The following SPHKAP variants were observed in gnomAD, a reference collection of about 807,000 sequenced individuals.
The protein encoded by SPHKAP is SPHK1 interactor, AKAP domain containing.
In SPHKAP, 67 loss-of-function variants were observed where a neutral mutation model predicts 137.5. The observed-to-expected ratio is 0.49, with a 90% CI of 0.40 to 0.60. The LOEUF (loss-of-function observed/expected upper bound fraction) is 0.60. SPHKAP is among the 20% of genes least tolerant of loss of function. The probability of loss-of-function intolerance (pLI) is 0.00; values close to 1 mark genes in which losing one functional copy is unlikely to be tolerated. For missense variants in SPHKAP, 2,097 were observed against 2,069.3 expected (o/e 1.01, Z -0.26); for synonymous variants, 813 against 785.3 (o/e 1.04, Z -0.59).
intron 3 of SPHKAP, among the ~76,000 whole-genome samples, chr2:228,073,422 G>A (rs115738250): frequency 0.012 from 1,847 of 152,260 alleles, 35 homozygotes; most frequent in African/African-American, 0.042. Context: ...GTAATTATAC[G>A]GATATGTGCA....
rs146687773 is a variant in SPHKAP at position 228,059,774 on chromosome 2, G to A, written c.247-32231C>T. ...GAAGGCAGTCTGCTCAGTGTTACAG[G>A]GAGTACAAAGATGTAGAACATAGGA... On this transcript the variant is annotated intron_variant, in intron 3 of 11. Transcript: ENST00000392056. Among the ~76,000 whole-genome samples, 558 of 152,270 alleles carry A rather than the reference G, an allele frequency of 3.7e-3. 4 individuals carry two copies. The highest frequency in any genetic ancestry group is 0.013 in the African/African-American group (536 of 41,536).
intron 7 of SPHKAP, among the ~76,000 whole-genome samples, chr2:228,012,565 A>G (rs1694430098): frequency 6.6e-6 from 1 of 152,118 alleles, no homozygotes; most frequent in African/African-American, 2.4e-5. Context: ...CTGTACAATA[A>G]TATTTTTTTG....
rs11292511 is a variant in SPHKAP, at chr2:228,021,697, TG to T, written c.697+13del. On this transcript the variant is annotated intron_variant, in intron 6 of 11. Coordinates refer to ENST00000392056, the MANE Select transcript of SPHKAP (RefSeq NM_001142644.2). ...GGGACTAATTTCAGGAGGCACTAAT[TG>T]GAAAGTTCTCACCGTTCCTAGATTC... The T allele has an allele frequency of 0.35, 561,505 of 1,597,110 alleles. 101,979 individuals carry two copies. The highest frequency in any genetic ancestry group is 0.5 in the South Asian group (44,429 of 88,284).
At chr2:228,101,369 A>G (rs749651551) in intron 3 of SPHKAP, among the ~76,000 whole-genome samples, 13 of 152,206 alleles carry the variant, frequency 8.5e-5, no homozygotes, top group African/African-American at 1.2e-4. Flanking sequence ...ATATACAGTT[A>G]CATTATTGGC....
In SPHKAP at chr2:227,995,570, T is replaced by A; in HGVS notation, c.4573A>T (p.Asn1525Tyr). 6.2e-7 allele frequency: 1 copy of A among 1,614,114 alleles called. No homozygotes were observed. Among genetic ancestry groups the A allele is most frequent in the South Asian group, 1.1e-5 (1 of 91,074 alleles). The change falls in exon 8 of 12, where the codon AAT becomes TAT. Residue 1525 changes from asparagine (N) to tyrosine (Y), a missense_variant. By Grantham distance (143) the Asn-to-Tyr change is moderately radical. Transcript: ENST00000392056. ...GTGTCATCTGGGTTGTCTTCCTCAT[T>A]GGCAAGCTGGGTCCAGCTGCCTGTG... ...ESTGSWTQLA[N>Y]EEDNPDDTSS...
chr2:228,136,741 C>T (rs1356084064), intron 1 of SPHKAP, among the ~76,000 whole-genome samples: 5 of 152,094 alleles, frequency 3.3e-5, no homozygotes, highest in African/African-American at 7.2e-5. Context: ...GAAACACTTA[C>T]GTAACATATT....
chr2:228,008,562 T>G (rs1256596466), intron 7 of SPHKAP, among the ~76,000 whole-genome samples: 1 of 152,216 alleles, frequency 6.6e-6, no homozygotes, highest in Non-Finnish European at 1.5e-5. Flanking sequence ...CCCAAAGTGC[T>G]GGGATTATAG....
intron 2 of SPHKAP, chr2:228,109,425 G>A (rs1354675069): frequency 3.6e-5 from 34 of 954,954 alleles, no homozygotes; most frequent in Non-Finnish European, 4.1e-5. Context: ...AACACCTAAG[G>A]TACTATGTTA....
At chr2:228,159,438 G>A (rs971686106) in intron 1 of SPHKAP, among the ~76,000 whole-genome samples, 11 of 152,020 alleles carry the variant, frequency 7.2e-5, no homozygotes, top group Non-Finnish European at 1.5e-4. Context: ...ACTGCAACTG[G>A]AAACAACGCA....
intron 2 of SPHKAP, among the ~76,000 whole-genome samples, chr2:228,129,765 G>A (rs954818094): frequency 2.7e-5 from 4 of 149,784 alleles, no homozygotes; most frequent in Admixed American, 1.3e-4. Flanking sequence ...AAGTCATTTA[G>A]AATTAAAGAT....
intron 3 of SPHKAP, among the ~76,000 whole-genome samples, chr2:228,032,732 T>A (rs2106241959): frequency 6.6e-6 from 1 of 152,232 alleles, no homozygotes; most frequent in South Asian, 2.1e-4. Flanking sequence ...TCAACATTCT[T>A]AAAGAAAAGA....
Position 228,181,542 on chromosome 2 carries a change from G to T in SPHKAP, c.32+25C>A, listed in dbSNP as rs1202377228. 2 of 1,614,088 alleles carry T rather than the reference G, an allele frequency of 1.2e-6. No homozygotes were observed. Among genetic ancestry groups the T allele is most frequent in the African/African-American group, 2.7e-5 (2 of 74,944 alleles). The stretch of plus-strand genomic sequence containing the variant: ...AACGGAGTTTGATCGACATGGTATT[G>T]GGCATAGAAAGAAGCGGGTCTTACC... On this transcript the variant is annotated intron_variant, in intron 1 of 11. Coordinates refer to ENST00000392056, the MANE Select transcript of SPHKAP (RefSeq NM_001142644.2). The surrounding 1 kb of genome is among the most constrained non-coding windows in gnomAD (Gnocchi z 4.3).
rs550943090 is a variant in SPHKAP, at chr2:227,980,169, G to C, written c.*1548C>G. 1 of 152,734 alleles carries C rather than the reference G, an allele frequency of 6.5e-6. No individual in the cohort carries two copies. The highest frequency in any genetic ancestry group is 2.1e-4 in the South Asian group (1 of 4,826). 9.5% of individuals were successfully genotyped at this position (152,734 alleles called of 1,614,324 possible). ...AAAGAAGCACATTTCAGCGTGAATT[G>C]ATGGATATATTTTAAAACTGGGCAT... On this transcript the variant is annotated 3_prime_UTR_variant, in exon 12 of 12. Coordinates refer to ENST00000392056, the MANE Select transcript of SPHKAP (RefSeq NM_001142644.2).
At chr2:228,153,031 A>T (rs1422688174) in intron 1 of SPHKAP, among the ~76,000 whole-genome samples, 1 of 152,092 alleles carries the variant, frequency 6.6e-6, no homozygotes, top group Non-Finnish European at 1.5e-5. Flanking sequence ...TTCCCCTTTC[A>T]CTTGGCTCTC....
At chr2:228,052,284 A>G (rs1392036922) in intron 3 of SPHKAP, among the ~76,000 whole-genome samples, 1 of 152,190 alleles carries the variant, frequency 6.6e-6, no homozygotes, top group Non-Finnish European at 1.5e-5. Context: ...GAGTTAGAAC[A>G]TTGGAAATAG....
chr2:228,093,871 A>AAAAAC (rs1697895139), intron 3 of SPHKAP, among the ~76,000 whole-genome samples: 1 of 150,602 alleles, frequency 6.6e-6, no homozygotes, highest in African/African-American at 2.4e-5. Flanking sequence ...AAAAAAAAAA[A>AAAAAC]AAAAAAAAAA....
At chr2:228,031,371 G>C (rs1239684145) in intron 3 of SPHKAP, among the ~76,000 whole-genome samples, 2 of 152,250 alleles carry the variant, frequency 1.3e-5, no homozygotes, top group African/African-American at 4.8e-5. Context: ...ATGCCAGGAA[G>C]CTCGATCTGG....
chr2:228,131,350 G>T lies in SPHKAP; in HGVS notation c.138+630C>A, dbSNP rs114251176. 3,944 of 975,846 alleles carry T rather than the reference G, an allele frequency of 4.0e-3. 119 individuals are homozygous for T. The African/African-American group carries it at 0.064, about 16-fold the overall frequency. 60.4% of individuals were successfully genotyped at this position (975,846 alleles called of 1,614,324 possible). On this transcript the variant is annotated intron_variant, in intron 2 of 11. Transcript: ENST00000392056. The stretch of plus-strand genomic sequence containing the variant: ...GCAGCAAACAGTGACAAAAGCATTA[G>T]ATGGGGAACCAGGATCGTGGACATT...
At chr2:227,995,211 G>T (rs1693588965) in intron 8 of SPHKAP, among the ~76,000 whole-genome samples, 1 of 152,200 alleles carries the variant, frequency 6.6e-6, no homozygotes, top group African/African-American at 2.4e-5. Context: ...TGTAAAAGCA[G>T]CTCACCATTT....
Sources: allele counts gnomAD v4.1 joint callset (sites outside exome capture counted in the v4.1 genomes callset), GRCh38; gene constraint gnomAD v4.1.1; non-coding constraint Gnocchi (gnomAD v3.1); transcripts MANE v1.5; gene names NCBI Gene and HGNC (gene_info 2026-07-23, HGNC 2026-07-21).